The following ABTB3 variants were observed in gnomAD, a reference collection of about 807,000 sequenced individuals.
ABTB3 encodes the protein ankyrin repeat- and BTB/POZ domain-containing protein 3.
the ABTB3 span, among the ~76,000 whole-genome samples, chr12:107,452,513 T>C: frequency 6.7e-6 from 1 of 150,260 alleles, no homozygotes; most frequent in East Asian, 2.1e-4. Context: ...GCCATGAAAC[T>C]TACAGTGTCT....
At chr12:107,635,892 A>C in the ABTB3 span, among the ~76,000 whole-genome samples, 1 of 116,752 alleles carries the variant, frequency 8.6e-6, no homozygotes, top group African/African-American at 3.3e-5. Flanking sequence ...ACACACACAC[A>C]CACACACTCC....
chr12:107,614,051 C>T, the ABTB3 span, among the ~76,000 whole-genome samples: 10 of 152,098 alleles, frequency 6.6e-5, no homozygotes, highest in South Asian at 2.1e-3. Context: ...GGAGCATTCT[C>T]GGGTCCTCTC....
chr12:107,644,279 C>T, the ABTB3 span, among the ~76,000 whole-genome samples: 3 of 152,256 alleles, frequency 2.0e-5, no homozygotes, highest in East Asian at 1.9e-4. Context: ...GTGTAAGGCT[C>T]GAAGCCAGTG....
chr12:107,366,041 G>A, the ABTB3 span, among the ~76,000 whole-genome samples: 4 of 152,218 alleles, frequency 2.6e-5, no homozygotes, highest in African/African-American at 4.8e-5. Flanking sequence ...TCACTGCCAT[G>A]AGCACCTTTC....
chr12:107,340,109 C>T, the ABTB3 span, among the ~76,000 whole-genome samples: 2 of 151,814 alleles, frequency 1.3e-5, no homozygotes, highest in Admixed American at 6.6e-5. Context: ...CTGAAGTCAA[C>T]AATTAATTAT....
the ABTB3 span, among the ~76,000 whole-genome samples, chr12:107,538,864 C>T: frequency 6.6e-6 from 1 of 152,134 alleles, no homozygotes; most frequent in Non-Finnish European, 1.5e-5. Flanking sequence ...ACGGCACAGA[C>T]TTTGGGAGAT....
the ABTB3 span, among the ~76,000 whole-genome samples, chr12:107,464,206 AGTGTGTGTGTGTGTGTGT>A: frequency 1.0e-2 from 1,330 of 133,622 alleles, 23 homozygotes; most frequent in African/African-American, 0.033. Flanking sequence ...ACATGTGAAG[AGTGTGTGTGTGTGTGTGT>A]GTGTGTGTGT....
At chr12:107,478,786 A>G in the ABTB3 span, among the ~76,000 whole-genome samples, 7 of 152,012 alleles carry the variant, frequency 4.6e-5, no homozygotes, top group African/African-American at 7.3e-5. Flanking sequence ...CTAGAATCCA[A>G]GAGTTGCTTC....
chr12:107,348,246 T>G, the ABTB3 span, among the ~76,000 whole-genome samples: 1 of 152,238 alleles, frequency 6.6e-6, no homozygotes, highest in East Asian at 1.9e-4. Context: ...TAGAAATATA[T>G]ATATACACAC....
At chr12:107,459,789 C>T in the ABTB3 span, among the ~76,000 whole-genome samples, 1 of 152,264 alleles carries the variant, frequency 6.6e-6, no homozygotes, top group African/African-American at 2.4e-5. Context: ...CACAGCCATG[C>T]ACAGGCCCTC....
chr12:107,646,171 A>T, the ABTB3 span, among the ~76,000 whole-genome samples: 4 of 151,916 alleles, frequency 2.6e-5, no homozygotes, highest in African/African-American at 9.7e-5. Flanking sequence ...TGCTTCATGC[A>T]GGTTGGCAGC....
the ABTB3 span, among the ~76,000 whole-genome samples, chr12:107,407,185 A>G: frequency 6.6e-6 from 1 of 152,204 alleles, no homozygotes; most frequent in African/African-American, 2.4e-5. Flanking sequence ...TGGGCATAAA[A>G]TAGTCCCCAG....
chr12:107,355,113 C>G, the ABTB3 span, among the ~76,000 whole-genome samples: 20 of 152,214 alleles, frequency 1.3e-4, no homozygotes, highest in Admixed American at 2.0e-4. Context: ...AGTTCTCTCA[C>G]CTGAGCGGGG....
chr12:107,464,879 C>T, the ABTB3 span, among the ~76,000 whole-genome samples: 2 of 151,940 alleles, frequency 1.3e-5, no homozygotes, highest in African/African-American at 4.8e-5. Flanking sequence ...GTGATGTTAC[C>T]AGCATCTAGT....
At chr12:107,340,841 G>A in the ABTB3 span, among the ~76,000 whole-genome samples, 2 of 152,134 alleles carry the variant, frequency 1.3e-5, no homozygotes, top group Non-Finnish European at 2.9e-5. Flanking sequence ...GTATGTTTTC[G>A]AAAATTTGCC....
At chr12:107,558,329 G>A in the ABTB3 span, among the ~76,000 whole-genome samples, 3 of 152,332 alleles carry the variant, frequency 2.0e-5, no homozygotes, top group South Asian at 2.1e-4. Flanking sequence ...CCAAAGCCAC[G>A]ATGTCCCTGC....
chr12:107,642,430 C>G, the ABTB3 span, among the ~76,000 whole-genome samples: 2 of 152,292 alleles, frequency 1.3e-5, no homozygotes, highest in Admixed American at 1.3e-4. Context: ...CTCCTGGGGA[C>G]TCAGAGTCTG....
At chr12:107,445,440 T>C in the ABTB3 span, among the ~76,000 whole-genome samples, 5 of 152,206 alleles carry the variant, frequency 3.3e-5, no homozygotes, top group Non-Finnish European at 5.9e-5. Context: ...TAGCATTTAT[T>C]CACTGGTTTA....
chr12:107,491,061 A>C, the ABTB3 span, among the ~76,000 whole-genome samples: 2 of 152,206 alleles, frequency 1.3e-5, no homozygotes, highest in African/African-American at 4.8e-5. Context: ...CATGGTGTGC[A>C]TAATAATGAC....
Sources: allele counts gnomAD v4.1 joint callset (sites outside exome capture counted in the v4.1 genomes callset), GRCh38; gene constraint gnomAD v4.1.1; transcripts MANE v1.5; gene names NCBI Gene and HGNC (gene_info 2026-07-23, HGNC 2026-07-21).